Variants in NCOR2 observed in about 807,000 individuals in gnomAD.
NCOR2 encodes nuclear receptor corepressor 2.
In NCOR2, 81 loss-of-function variants were observed where a neutral mutation model predicts 262.9. The observed-to-expected ratio is 0.31, with a 90% CI of 0.26 to 0.37. NCOR2 has a LOEUF of 0.37. Among genes scored for constraint, NCOR2 ranks in the 10% least tolerant of loss-of-function variants. The pLI, the probability that NCOR2 is intolerant of heterozygous loss-of-function variation, is 1.00. For missense variants in NCOR2, 3,385 were observed against 3,621.4 expected (o/e 0.93, Z 1.68); for synonymous variants, 1,659 against 1,559.3 (o/e 1.06, Z -1.51).
chr12:124,469,122 G>A (rs1388336638), intron 4 of NCOR2, among the ~76,000 whole-genome samples: 1 of 152,020 alleles, frequency 6.6e-6, no homozygotes, highest in Middle Eastern at 3.2e-3. Context: ...AGAGGGTTTA[G>A]GGCACTGGCC....
chr12:124,556,788 C>A (rs973028179), intron 1 of NCOR2, among the ~76,000 whole-genome samples: 1 of 151,254 alleles, frequency 6.6e-6, no homozygotes, highest in Admixed American at 6.6e-5. Context: ...GCAGAGGTTG[C>A]GGTGCATGGA....
At chr12:124,519,089 T>TACACACACACATACATACAC (rs58285194) in intron 1 of NCOR2, among the ~76,000 whole-genome samples, 1 of 97,268 alleles carries the variant, frequency 1.0e-5, no homozygotes, top group East Asian at 3.3e-4. Flanking sequence ...GGCCAAATAA[T>TACACACACACATACATACAC]ACACACACAC....
upstream of NCOR2, among the ~76,000 whole-genome samples, chr12:124,495,765 G>A (rs77709037): frequency 0.15 from 23,047 of 152,152 alleles, 2,272 homozygotes; most frequent in Non-Finnish European, 0.22. This position sits in a 1 kb window ranked among gnomAD's most constrained non-coding sequence, Gnocchi z 4.4. Flanking sequence ...GTCCCAGGAG[G>A]GGCGGCCGGC....
In NCOR2 at chr12:124,389,043, C is replaced by T. The variant is rs573719210; in HGVS notation, c.1877-3156G>A. On this transcript the variant is annotated intron_variant, in intron 16 of 46. Transcript: ENST00000405201. This position sits in a 1 kb window ranked among gnomAD's most constrained non-coding sequence, Gnocchi z 4.4. ...GACGCCGTCCCCAAGCCGCTGTGGG[C>T]GCGCGAGGTGCCCTTCCCCGAGGGT... Among the ~76,000 whole-genome samples, 6 of 152,294 alleles carry T rather than the reference C, an allele frequency of 3.9e-5. No homozygotes were observed. The South Asian group carries it at 1.2e-3, about 32-fold the overall frequency.
chr12:124,350,302 C>T (rs940311384), intron 28 of NCOR2, among the ~76,000 whole-genome samples: 8 of 151,986 alleles, frequency 5.3e-5, no homozygotes, highest in African/African-American at 1.9e-4. Context: ...GGCCTGGCGG[C>T]GTGAGCTCGG....
chr12:124,353,973 G>T, intron 27 of NCOR2, 120 bp downstream of exon 29: 1 of 876,630 alleles, frequency 1.1e-6, no homozygotes, highest in Non-Finnish European at 1.8e-6. Flanking sequence ...GTGAACTGCT[G>T]TCCCCCAGTC....
chr12:124,438,778 C>CAGAGAGAGAGAG (rs56072801), intron 7 of NCOR2, among the ~76,000 whole-genome samples: 8 of 60,002 alleles, frequency 1.3e-4, no homozygotes, highest in African/African-American at 4.0e-4. Context: ...CCCAGAGAGA[C>CAGAGAGAGAGAG]AGAGAGAGAG....
chr12:124,517,692 C>A lies in NCOR2; in HGVS notation c.-118+17873G>T, dbSNP rs979332478. ...CCCCAAGGCTCGCCATGCTCCCCCC[C>A]AGGGACGCCGGATGTGCACCAAGGA... On this transcript the variant is annotated intron_variant, in intron 1 of 46. Transcript: ENST00000404621. The surrounding 1 kb of genome is among the most constrained non-coding windows in gnomAD (Gnocchi z 7.6). Among the ~76,000 whole-genome samples, 4 of 152,238 alleles carry A rather than the reference C, an allele frequency of 2.6e-5. No homozygotes were observed. Among genetic ancestry groups the A allele is most frequent in the Non-Finnish European group, 5.9e-5 (4 of 68,036 alleles).
chr12:124,400,444 C>T lies in NCOR2; in HGVS notation c.1813+57G>A, dbSNP rs895922408. The T allele has an allele frequency of 8.0e-5, 126 of 1,580,684 alleles. No individual in the cohort carries two copies. The Admixed American group carries it at 1.8e-3, about 23-fold the overall frequency. On this transcript the variant is annotated intron_variant, in intron 15 of 46. Transcript: ENST00000405201. ...AAATTGCACGAAACTTTCATATGAG[C>T]GCAACCCGCCGTGTCTCCAGCCCCT... is the stretch of plus-strand genomic sequence containing the variant.
upstream of NCOR2, among the ~76,000 whole-genome samples, chr12:124,536,704 C>G (rs758428505): frequency 6.6e-6 from 1 of 152,156 alleles, no homozygotes; most frequent in Admixed American, 6.5e-5. Flanking sequence ...CCGTTGCCGA[C>G]GGGATGCAAA....
chr12:124,441,840 C>T (rs1394437648), intron 7 of NCOR2, among the ~76,000 whole-genome samples: 1 of 152,242 alleles, frequency 6.6e-6, no homozygotes, highest in Non-Finnish European at 1.5e-5. Flanking sequence ...AGCCCCCTTA[C>T]CTCTCTCTGG....
exon 23 of NCOR2, chr12:124,356,651 C>A: frequency 6.9e-7 from 1 of 1,440,050 alleles, no homozygotes; most frequent in South Asian, 1.6e-5. Flanking sequence ...CCAGGTGGAG[C>A]GTAGGAGAAG....
intron 12 of NCOR2, among the ~76,000 whole-genome samples, chr12:124,421,968 A>G (rs1171227879): frequency 6.6e-6 from 1 of 152,252 alleles, no homozygotes; most frequent in African/African-American, 2.4e-5. Flanking sequence ...AGGTTTGTCC[A>G]AAGAAGATGG....
chr12:124,449,795 G>A lies in NCOR2; in HGVS notation c.815+20C>T, dbSNP rs372275332. ...CCACCCTGCCTCTGTGTGTCTGCAC[G>A]GCTGCCCGCGAGCACTCACATTTTG... On this transcript the variant is annotated intron_variant, in intron 7 of 46. Transcript: ENST00000405201. 8.0e-5 allele frequency: 129 copies of A among 1,613,738 alleles called. 1 individual carries two copies. The African/African-American group carries it at 1.4e-3, about 17-fold the overall frequency.
chr12:124,475,118 T>A (rs2047034594), intron 3 of NCOR2, among the ~76,000 whole-genome samples: 1 of 152,198 alleles, frequency 6.6e-6, no homozygotes, highest in South Asian at 2.1e-4. Context: ...TGGCCTCTGT[T>A]ACCATGTGAG....
chr12:124,514,863 G>A (rs1229368029), intron 1 of NCOR2: 1 of 150,560 alleles, frequency 6.6e-6, no homozygotes. Context: ...CAAAGGTCCT[G>A]AGGCAGGCCC....
At chr12:124,340,371 C>T (rs199692449) in exon 36 of NCOR2, 29 of 1,612,908 alleles carry the variant, frequency 1.8e-5, no homozygotes, top group Admixed American at 1.5e-4. Flanking sequence ...ATCCCGGTCC[C>T]GCTCTCGATC....
intron 16 of NCOR2, among the ~76,000 whole-genome samples, chr12:124,390,742 ACT>A (rs907692208): frequency 5.9e-5 from 9 of 151,992 alleles, no homozygotes; most frequent in Non-Finnish European, 8.8e-5. Flanking sequence ...CGCCCCCAAC[ACT>A]CTGTGCCAGG....
At chr12:124,326,526 C>T (rs1454559275) in intron 45 of NCOR2, among the ~76,000 whole-genome samples, 156 bp from the exon 48 acceptor site, 2 of 152,290 alleles carry the variant, frequency 1.3e-5, no homozygotes, top group East Asian at 3.9e-4. Context: ...CTGCCCGCCC[C>T]AGCTGGGAAG....
Sources: gnomAD v4.1 joint callset for allele counts (sites outside exome capture counted in the v4.1 genomes callset) on GRCh38, gnomAD v4.1.1 for gene constraint, Gnocchi (gnomAD v3.1) non-coding constraint, MANE v1.5 for transcripts, NCBI Gene and HGNC (gene_info 2026-07-23, HGNC 2026-07-21) for gene names.